Variants in RNF128 observed in about 807,000 individuals in gnomAD.
RNF128 encodes E3 ubiquitin-protein ligase RNF128.
In RNF128, 13 loss-of-function variants were observed where a neutral mutation model predicts 26.2. The ratio of observed to expected loss-of-function variants is 0.50; its 90% CI spans 0.32 to 0.79. The LOEUF is 0.79. Ranked by LOEUF, RNF128 falls within the 30% of genes least tolerant of loss-of-function variation. The pLI is 0.03. For missense variants in RNF128, 315 were observed against 349.7 expected, an observed-to-expected ratio of 0.90 and a Z score of 0.79; for synonymous variants, 149 against 142.5, an observed-to-expected ratio of 1.05 and a Z score of -0.32.
chrX:106,745,806 A>G (rs1313819909), intron 1 of RNF128, among the ~76,000 whole-genome samples: 1 of 111,834 alleles, frequency 8.9e-6, no homozygotes, highest in African/African-American at 3.2e-5. Context: ...CTTTGAAGAA[A>G]GAGAGGCTAG....
rs778211076 is a variant in RNF128 at position 106,727,131 on chromosome X, A to G, written c.218A>G (p.Gln73Arg). 3 of 1,207,531 alleles carry G rather than the reference A, an allele frequency of 2.5e-6. No individual in the cohort carries two copies. The highest frequency in any genetic ancestry group is 3.4e-6 in the Non-Finnish European group (3 of 893,900). The change falls in exon 1 of 7, where the codon CAG (glutamine) becomes CGG (arginine). Residue 73 changes from glutamine to arginine, a missense_variant. Transcript: ENST00000255499. ...WELSEEGVYGQDSPLEPVAGV... is the reference protein window; with the variant it reads ...WELSEEGVYGRDSPLEPVAGV... ...CTGAGCGAGGAGGGCGTGTACGGCC[A>G]GGACTCGCCGCTGGAGCCTGTGGCT...
At chrX:106,790,153 A>G in intron 4 of RNF128, 33 bp from the exon 5 acceptor site, 1 of 960,360 alleles carries the variant, frequency 1.0e-6, no homozygotes, top group East Asian at 3.1e-5. Flanking sequence ...TTGCTACTTT[A>G]CAACTGATAA....
rs770442738 is a variant in RNF128 at position 106,726,917 on chromosome X, G to T, written c.4G>T (p.Gly2Trp). 7.7e-6 allele frequency: 9 copies of T among 1,170,527 alleles called. No homozygotes were observed. The African/African-American group carries it at 1.2e-4, about 16-fold the overall frequency. The stretch of plus-strand genomic sequence containing the variant: ...GGAACTGCGGAGCGCGCGCGCCATG[G>T]GGCCGCCGCCTGGGGCCGGGGTCTC... M[G>W]PPPGAGVSCR... is the part of the protein sequence containing the mutation. The change falls in exon 1 of 7, where the codon GGG (glycine) becomes TGG (tryptophan). Residue 2 changes from glycine (G) to tryptophan (W), a missense_variant. By Grantham distance (184) the Gly-to-Trp change is radical (BLOSUM62 -2). Transcript: ENST00000255499.
Position 106,751,766 on chromosome X carries a change from T to C in RNF128, c.485-21147T>C, listed in dbSNP as rs1227189382. 4.5e-5 allele frequency among the ~76,000 whole-genome samples: 5 copies of C among 110,210 alleles called. No individual in the cohort carries two copies. The East Asian group carries it at 1.4e-3, about 32-fold the overall frequency. On this transcript the variant is annotated intron_variant, in intron 1 of 6. Coordinates refer to ENST00000255499, the MANE Select transcript of RNF128 (RefSeq NM_194463.2). ...CTGGATGACATTTCTAGACACACCC[T>C]GGGCCAGAAGGGAACCCACCAATTT...
intron 1 of RNF128, among the ~76,000 whole-genome samples, chrX:106,765,553 A>G (rs1930204282): frequency 9.0e-6 from 1 of 111,349 alleles, no homozygotes; most frequent in Admixed American, 9.6e-5. Flanking sequence ...AAAAAGGGGC[A>G]CTCTCTGGCA....
At chrX:106,784,371 A>C (rs1490136614) in intron 2 of RNF128, among the ~76,000 whole-genome samples, 1 of 111,396 alleles carries the variant, frequency 9.0e-6, no homozygotes, top group Non-Finnish European at 1.9e-5. Context: ...ATTATGCATA[A>C]TGTTTTAGTT....
chrX:106,715,764 T>C (rs955723455), intron 1 of RNF128, among the ~76,000 whole-genome samples: 5 of 111,793 alleles, frequency 4.5e-5, no homozygotes, highest in Non-Finnish European at 3.8e-5. Flanking sequence ...TTAGATGTAG[T>C]TTGTTGCCTT....
chrX:106,713,996 A>T (rs1195621507), intron 1 of RNF128, among the ~76,000 whole-genome samples: 1 of 110,703 alleles, frequency 9.0e-6, no homozygotes, highest in African/African-American at 3.3e-5. Context: ...TAACATGGTG[A>T]AACCCCGTCT....
intron 1 of RNF128, among the ~76,000 whole-genome samples, chrX:106,764,111 C>T (rs890758102): frequency 2.8e-5 from 3 of 108,012 alleles, no homozygotes; most frequent in African/African-American, 6.8e-5. Context: ...TACAGGTGCC[C>T]GCCACCACGC....
chrX:106,711,573 G>C (rs919440666), intron 1 of RNF128, among the ~76,000 whole-genome samples: 2 of 112,021 alleles, frequency 1.8e-5, no homozygotes, highest in Admixed American at 1.9e-4. Flanking sequence ...AGATGACACA[G>C]CATTTTTTTG....
rs999842686 is a variant in RNF128 at position 106,726,727 on chromosome X, G to A, written c.-187G>A. 3 of 1,041,316 alleles carry A rather than the reference G, an allele frequency of 2.9e-6. No homozygotes were observed. The highest frequency in any genetic ancestry group is 2.7e-5 in the South Asian group (1 of 36,599). The allele number at this position is 1,041,316 out of a possible 1,213,427, so 85.8% of individuals were successfully genotyped here. On this transcript the variant is annotated 5_prime_UTR_variant, in exon 1 of 7. Coordinates refer to ENST00000255499, the MANE Select transcript of RNF128 (RefSeq NM_194463.2). ...CGGTAGCGGAGAAGACTGGAGCTCC[G>A]AGGAGCTGCATCTGCGGCAACCTGT... is the stretch of plus-strand genomic sequence containing the variant.
At chrX:106,789,130 T>C (rs1176325716) in intron 4 of RNF128, among the ~76,000 whole-genome samples, 3 of 87,830 alleles carry the variant, frequency 3.4e-5, no homozygotes, top group Admixed American at 1.5e-4. Context: ...CTATATACTA[T>C]ATAGTATATA....
intron 1 of RNF128, among the ~76,000 whole-genome samples, chrX:106,760,224 C>G (rs1294497008): frequency 2.7e-5 from 3 of 111,429 alleles, no homozygotes; most frequent in African/African-American, 9.8e-5. Context: ...ACATCTAATT[C>G]CTAAAAATAG....
At chrX:106,778,941 G>A (rs1295421214) in intron 2 of RNF128, among the ~76,000 whole-genome samples, 2 of 111,914 alleles carry the variant, frequency 1.8e-5, no homozygotes, top group Non-Finnish European at 3.8e-5. Flanking sequence ...CCTGCACACT[G>A]TACCACTATT....
upstream of RNF128, among the ~76,000 whole-genome samples, chrX:106,725,261 C>T (rs1304092704): frequency 9.0e-6 from 1 of 111,474 alleles, no homozygotes; most frequent in East Asian, 2.8e-4. Flanking sequence ...CCTCTAAAGT[C>T]CTTTTCAATA....
At chrX:106,716,506 C>T (rs1278503576) in intron 1 of RNF128, among the ~76,000 whole-genome samples, 3 of 111,574 alleles carry the variant, frequency 2.7e-5, no homozygotes, top group Non-Finnish European at 5.6e-5. Flanking sequence ...TATATCTTGA[C>T]TGTGATGGTA....
chrX:106,792,188 A>T (rs1930838581), intron 6 of RNF128, among the ~76,000 whole-genome samples: 1 of 110,820 alleles, frequency 9.0e-6, no homozygotes, highest in Non-Finnish European at 1.9e-5. Context: ...TAATCTGTGG[A>T]TTATTCTACC....
chrX:106,708,374 T>G (rs1274863979), intron 1 of RNF128, among the ~76,000 whole-genome samples: 2 of 112,294 alleles, frequency 1.8e-5, no homozygotes, highest in African/African-American at 6.5e-5. Context: ...GGAAACAGAT[T>G]CCAGTTCAGA....
At chrX:106,740,319 T>A (rs1442831052) in intron 1 of RNF128, among the ~76,000 whole-genome samples, 3 of 111,388 alleles carry the variant, frequency 2.7e-5, no homozygotes, top group African/African-American at 9.8e-5. Context: ...CACAAAAAAA[T>A]TGCATTGACT....
Sources: gnomAD v4.1 joint callset for allele counts (sites outside exome capture counted in the v4.1 genomes callset) on GRCh38, gnomAD v4.1.1 for gene constraint, MANE v1.5 for transcripts, NCBI Gene and HGNC (gene_info 2026-07-23, HGNC 2026-07-21) for gene names.